The following CPEB3 variants were observed in gnomAD, a reference collection of about 807,000 sequenced individuals.
The protein encoded by CPEB3 is cytoplasmic polyadenylation element-binding protein 3.
In CPEB3, 20 loss-of-function variants were observed where a neutral mutation model predicts 67.2. That is an observed-to-expected ratio of 0.30 (90% confidence interval 0.21 to 0.43). CPEB3 has a LOEUF of 0.43. CPEB3 is among the 20% of genes least tolerant of loss of function. The probability of loss-of-function intolerance (pLI) is 1.00; values close to 1 mark genes in which losing one functional copy is unlikely to be tolerated. For missense variants in CPEB3, 746 were observed against 968.6 expected, an observed-to-expected ratio of 0.77 and a Z score of 3.05; for synonymous variants, 376 against 393.1, an observed-to-expected ratio of 0.96 and a Z score of 0.51.
chr10:92,231,606 C>CT (rs1387647603), intron 2 of CPEB3, among the ~76,000 whole-genome samples: 4 of 152,180 alleles, frequency 2.6e-5, no homozygotes, highest in Non-Finnish European at 5.9e-5. Flanking sequence ...AGAGCCAAGG[C>CT]TTTAACCAAT....
intron 6 of CPEB3, among the ~76,000 whole-genome samples, chr10:92,124,009 C>G (rs1439963617): frequency 6.6e-6 from 1 of 152,188 alleles, no homozygotes; most frequent in East Asian, 1.9e-4. Context: ...AGTCCCAACC[C>G]AAGCTATATC....
rs554151506 is a variant in CPEB3, at chr10:92,092,430, C to G, written c.1573-486G>C. Among the ~76,000 whole-genome samples the G allele has an allele frequency of 4.6e-5, 7 of 152,264 alleles. No homozygotes were observed. The South Asian group carries it at 1.5e-3, about 32-fold the overall frequency. On this transcript the variant is annotated intron_variant, in intron 7 of 9. Coordinates refer to ENST00000265997, the MANE Select transcript of CPEB3 (RefSeq NM_014912.5). ...TATCTTTCAGCAATATGATTTAATA[C>G]AGACGAACATGCAGCAAGTTAGCAT...
intron 2 of CPEB3, among the ~76,000 whole-genome samples, chr10:92,225,926 A>T (rs1266893245): frequency 6.6e-6 from 1 of 152,156 alleles, no homozygotes; most frequent in Non-Finnish European, 1.5e-5. Flanking sequence ...GTGAAATCCA[A>T]TCCCTACTGA....
intron 4 of CPEB3, among the ~76,000 whole-genome samples, chr10:92,164,352 G>A (rs746653753): frequency 5.3e-5 from 8 of 152,192 alleles, no homozygotes; most frequent in East Asian, 1.9e-4. Flanking sequence ...TTAAGTATAC[G>A]ATCTGATTAA....
At chr10:92,165,570 T>C (rs1847702027) in intron 4 of CPEB3, among the ~76,000 whole-genome samples, 1 of 152,120 alleles carries the variant, frequency 6.6e-6, no homozygotes, top group Non-Finnish European at 1.5e-5. Flanking sequence ...CACAAAATAT[T>C]TCTCTGTAGC....
intron 9 of CPEB3, among the ~76,000 whole-genome samples, chr10:92,063,487 G>A (rs889697086): frequency 1.3e-5 from 2 of 152,140 alleles, no homozygotes; most frequent in African/African-American, 4.8e-5. Flanking sequence ...GACACCAGCC[G>A]GGCCCAGTGG....
chr10:92,074,095 T>A (rs975620863), intron 9 of CPEB3, among the ~76,000 whole-genome samples: 4 of 84,294 alleles, frequency 4.7e-5, no homozygotes, highest in African/African-American at 1.2e-4. Context: ...TTTTTAACTA[T>A]TTTTTTTTAA....
At chr10:92,259,424 A>C (rs1222227170) in intron 1 of CPEB3, among the ~76,000 whole-genome samples, 4 of 151,872 alleles carry the variant, frequency 2.6e-5, no homozygotes. Context: ...CAACATGGAG[A>C]AATCCCGTCT....
intron 7 of CPEB3, among the ~76,000 whole-genome samples, chr10:92,099,953 C>T (rs1564778427): frequency 6.6e-6 from 1 of 151,924 alleles, no homozygotes; most frequent in Non-Finnish European, 1.5e-5. Context: ...TACTTGAGGC[C>T]AAGAGTTCGA....
chr10:92,230,003 A>G (rs180781725), intron 2 of CPEB3, among the ~76,000 whole-genome samples: 1 of 152,038 alleles, frequency 6.6e-6, no homozygotes, highest in African/African-American at 2.4e-5. Flanking sequence ...CCGAGATCGC[A>G]CCATTGCACT....
rs1841908347 is a variant in CPEB3, at chr10:92,051,960, C to A, written c.*252G>T. 2.5e-6 allele frequency: 1 copy of A among 392,842 alleles called. No homozygotes were observed. The highest frequency in any genetic ancestry group is 4.1e-5 in the Admixed American group (1 of 24,630). 24.3% of individuals were successfully genotyped at this position (392,842 alleles called of 1,614,324 possible). A position where few individuals can be genotyped will look rare whatever the true frequency, so the allele number is the denominator to read the frequency against. The stretch of plus-strand genomic sequence containing the variant: ...AAATCAGGTATAAAAAATTAAGGTA[C>A]CAAGCAGACAAAGGTGTGAATCAAA... On this transcript the variant is annotated 3_prime_UTR_variant, in exon 10 of 10. Transcript: ENST00000265997.
chr10:92,076,802 AGAG>A (rs1220619445), intron 9 of CPEB3, among the ~76,000 whole-genome samples: 2 of 151,116 alleles, frequency 1.3e-5, no homozygotes, highest in African/African-American at 4.9e-5. Context: ...AGAAGGAGAA[AGAG>A]GAGGAGGAGG....
intron 2 of CPEB3, among the ~76,000 whole-genome samples, chr10:92,213,636 CCTTA>C (rs1329650240): frequency 6.6e-6 from 1 of 152,028 alleles, no homozygotes; most frequent in Non-Finnish European, 1.5e-5. Context: ...CTTTGTAGAA[CCTTA>C]CTATTTTTAT....
intron 2 of CPEB3, among the ~76,000 whole-genome samples, chr10:92,213,520 G>A (rs753564461): frequency 6.6e-6 from 1 of 152,202 alleles, no homozygotes; most frequent in African/African-American, 2.4e-5. Context: ...TGGAATGGTA[G>A]AGTAGGAGAA....
chr10:92,111,907 G>A (rs1449690736), intron 6 of CPEB3, among the ~76,000 whole-genome samples: 1 of 152,160 alleles, frequency 6.6e-6, no homozygotes, highest in Non-Finnish European at 1.5e-5. Context: ...ATAAGCTGGT[G>A]TGCTTTTGCC....
chr10:92,190,268 G>C (rs1001339139), intron 3 of CPEB3, among the ~76,000 whole-genome samples: 1 of 145,418 alleles, frequency 6.9e-6, no homozygotes, highest in Non-Finnish European at 1.5e-5. Flanking sequence ...ACAAGAGCAA[G>C]ACTTTGTCTC....
At chr10:92,258,626 A>ACT (rs11383899) in intron 1 of CPEB3, among the ~76,000 whole-genome samples, 5 of 86,310 alleles carry the variant, frequency 5.8e-5, no homozygotes, top group South Asian at 5.1e-4. Context: ...TATTTTTTGA[A>ACT]TATATATATA....
chr10:92,230,509 T>C (rs1851217967), intron 2 of CPEB3, among the ~76,000 whole-genome samples: 1 of 152,206 alleles, frequency 6.6e-6, no homozygotes, highest in Non-Finnish European at 1.5e-5. Context: ...TAATAGTGCT[T>C]CTTAGGAGAG....
At position 92,289,780 on chromosome 10, in the gene CPEB3, T is replaced by TTATATATTATATAATAC. The variant is rs1486725582; in HGVS notation, c.-12+1145_-12+1146insGTATTATATAATATATA. 2.7e-3 allele frequency among the ~76,000 whole-genome samples: 333 copies of TTATATATTATATAATAC among 122,336 alleles called. 3 individuals carry two copies. Among genetic ancestry groups the TTATATATTATATAATAC allele is most frequent in the African/African-American group, 0.015 (315 of 21,722 alleles). 80.3% of individuals were successfully genotyped at this position (122,336 alleles called of 152,430 possible). Reference sequence around the variant, plus strand: ...ATATGTATTATATATTATAAATGTATATATGTATTATATATTATAAATGTA... The same window carrying TTATATATTATATAATAC: ...ATATGTATTATATATTATAAATGTATTATATATTATATAATACATATGTATTATATATTATAAATGTA... On this transcript the variant is annotated intron_variant, in intron 1 of 9. Coordinates refer to ENST00000265997, the MANE Select transcript of CPEB3 (RefSeq NM_014912.5).
Sources: allele counts gnomAD v4.1 joint callset (sites outside exome capture counted in the v4.1 genomes callset), GRCh38; gene constraint gnomAD v4.1.1; transcripts MANE v1.5; gene names NCBI Gene and HGNC (gene_info 2026-07-23, HGNC 2026-07-21).